PRIM2: variants seen among roughly 807,000 people sequenced by gnomAD.
PRIM2 encodes DNA primase subunit 2.
A neutral mutation model predicts 67.3 loss-of-function variants in PRIM2; 39 were observed. The ratio of observed to expected loss-of-function variants is 0.58; its 90% confidence interval spans 0.45 to 0.76. The LOEUF (loss-of-function observed/expected upper bound fraction) is 0.76. Among genes scored for constraint, PRIM2 ranks in the 30% least tolerant of loss-of-function variants. PRIM2 has a pLI of 0.00. For missense variants in PRIM2, 398 were observed against 598.7 expected, an observed-to-expected ratio of 0.66 and a Z score of 3.50; for synonymous variants, 143 against 198.7, an observed-to-expected ratio of 0.72 and a Z score of 2.36.
At chr6:57,387,455 A>G (rs1770190740) in intron 7 of PRIM2, among the ~76,000 whole-genome samples, 1 of 152,180 alleles carries the variant, frequency 6.6e-6, no homozygotes, top group African/African-American at 2.4e-5. Context: ...TAATTTGTCT[A>G]AGATTATGTT....
At chr6:57,582,070 C>T (rs1237833903) in intron 10 of PRIM2, among the ~76,000 whole-genome samples, 1 of 152,200 alleles carries the variant, frequency 6.6e-6, no homozygotes, top group African/African-American at 2.4e-5. Flanking sequence ...AGCAGTTCTC[C>T]TGCCTCAGCC....
Position 57,532,457 on chromosome 6 carries a change from A to C in PRIM2, c.808A>C (p.Lys270Gln). ...TTACAGTACCCAGGGAAATGTTGGGAAGATTTCTTTAGATCAGATTGATTT... is the reference window on the plus strand; with the variant it reads ...TTACAGTACCCAGGGAAATGTTGGGCAGATTTCTTTAGATCAGATTGATTT... ...QDYSTQGNVG[K>Q]ISLDQIDLLS... Residue 270 changes from lysine (K) to glutamine (Q), a missense_variant, in exon 9 of 14, where the codon AAG becomes CAG. Transcript: ENST00000615550. 6.8e-7 allele frequency: 1 copy of C among 1,465,856 alleles called. No homozygotes were observed. The highest frequency in any genetic ancestry group is 9.3e-7 in the Non-Finnish European group (1 of 1,079,690). The allele number at this position is 1,465,856 out of a possible 1,614,324, so 90.8% of individuals were successfully genotyped here. A position where few individuals can be genotyped will look rare whatever the true frequency, so the allele number is the denominator to read the frequency against.
At chr6:57,387,640 C>G (rs740924) in intron 7 of PRIM2, among the ~76,000 whole-genome samples, 1 of 152,122 alleles carries the variant, frequency 6.6e-6, no homozygotes, top group African/African-American at 2.4e-5. Flanking sequence ...CAGAGCAGGC[C>G]CAAGGGGTGA....
At chr6:57,586,175 G>A (rs1389036524) in intron 10 of PRIM2, among the ~76,000 whole-genome samples, 24 of 152,190 alleles carry the variant, frequency 1.6e-4, no homozygotes, top group South Asian at 4.1e-4. Flanking sequence ...GAGAGGTAGC[G>A]AGATCCATTC....
At chr6:57,521,129 T>C (rs1774610746) in intron 8 of PRIM2, among the ~76,000 whole-genome samples, 1 of 152,118 alleles carries the variant, frequency 6.6e-6, no homozygotes, top group Non-Finnish European at 1.5e-5. Context: ...GCAGGGAAAA[T>C]CACCTGGGCT....
At chr6:57,614,340 A>G (rs2127495114) in intron 12 of PRIM2, among the ~76,000 whole-genome samples, 1 of 152,332 alleles carries the variant, frequency 6.6e-6, no homozygotes, top group East Asian at 1.9e-4. Context: ...CCCTGGTTCC[A>G]AAAAGGTTGG....
At chr6:57,467,673 G>A (rs1427290322) in intron 7 of PRIM2, among the ~76,000 whole-genome samples, 2 of 152,136 alleles carry the variant, frequency 1.3e-5, no homozygotes, top group East Asian at 1.9e-4. Context: ...GAACGTAAAC[G>A]GTAGCTTGAT....
chr6:57,460,955 C>G (rs1439788805), intron 7 of PRIM2, among the ~76,000 whole-genome samples: 1 of 152,136 alleles, frequency 6.6e-6, no homozygotes, highest in Non-Finnish European at 1.5e-5. Flanking sequence ...AAAAGATGTA[C>G]CTTGTCACAG....
At chr6:57,271,423 T>C in the PRIM2 span, among the ~76,000 whole-genome samples, 2 of 152,214 alleles carry the variant, frequency 1.3e-5, no homozygotes, top group Non-Finnish European at 2.9e-5. Flanking sequence ...CGTAGAGGTG[T>C]TTATAGTATT....
At chr6:57,638,259 A>T (rs1777158626) in intron 13 of PRIM2, among the ~76,000 whole-genome samples, 1 of 152,222 alleles carries the variant, frequency 6.6e-6, no homozygotes, top group Non-Finnish European at 1.5e-5. Context: ...GGCACTAAAT[A>T]TGGAAAGGAA....
At chr6:57,353,913 G>C (rs1387361882) in intron 5 of PRIM2, among the ~76,000 whole-genome samples, 1 of 152,084 alleles carries the variant, frequency 6.6e-6, no homozygotes, top group Non-Finnish European at 1.5e-5. Flanking sequence ...GCTTCGGGTG[G>C]GTTAAGAGAA....
intron 5 of PRIM2, among the ~76,000 whole-genome samples, chr6:57,378,532 A>G (rs1769850086): frequency 6.6e-6 from 1 of 152,168 alleles, no homozygotes; most frequent in Admixed American, 6.5e-5. Flanking sequence ...ACCTTGTTAT[A>G]AAATACAACG....
chr6:57,399,095 G>T (rs1268166813), intron 7 of PRIM2, among the ~76,000 whole-genome samples: 2 of 151,660 alleles, frequency 1.3e-5, no homozygotes, highest in South Asian at 2.1e-4. Flanking sequence ...CAACATGCAG[G>T]TTTGTTACAT....
intron 7 of PRIM2, chr6:57,505,080 T>C (rs1209249637): frequency 6.6e-6 from 1 of 152,190 alleles, no homozygotes; most frequent in African/African-American, 2.4e-5. Flanking sequence ...GTTCCTAAAA[T>C]GAAGTTTGAA....
At chr6:57,256,794 C>T in the PRIM2 span, among the ~76,000 whole-genome samples, 1 of 151,996 alleles carries the variant, frequency 6.6e-6, no homozygotes, top group Non-Finnish European at 1.5e-5. Context: ...TTATCAGATG[C>T]TCTGCCTTAT....
intron 7 of PRIM2, among the ~76,000 whole-genome samples, chr6:57,397,896 A>ATT (rs35064816): frequency 0.08 from 9,480 of 118,744 alleles, 1,390 homozygotes; most frequent in African/African-American, 0.27. Flanking sequence ...GATCTTTCTA[A>ATT]TTTTTTTTTT....
At chr6:57,499,110 G>T (rs1342753246) in intron 7 of PRIM2, among the ~76,000 whole-genome samples, 6 of 152,096 alleles carry the variant, frequency 3.9e-5, no homozygotes, top group Non-Finnish European at 7.4e-5. Context: ...ATTTATTCTA[G>T]GTGTACAACA....
intron 10 of PRIM2, among the ~76,000 whole-genome samples, chr6:57,565,020 G>C (rs1258949169): frequency 0.011 from 1,619 of 152,182 alleles, 28 homozygotes; most frequent in African/African-American, 0.037. Flanking sequence ...TTAGAATGTG[G>C]ATTCCTTAAA....
At chr6:57,243,185 T>C in the PRIM2 span, among the ~76,000 whole-genome samples, 113 of 152,354 alleles carry the variant, frequency 7.4e-4, no homozygotes, top group Non-Finnish European at 1.5e-3. Context: ...CAAATGATGA[T>C]GGTCATTCAC....
Sources: gnomAD v4.1 joint callset for allele counts (sites outside exome capture counted in the v4.1 genomes callset) on GRCh38, gnomAD v4.1.1 for gene constraint, MANE v1.5 for transcripts, NCBI Gene and HGNC (gene_info 2026-07-23, HGNC 2026-07-21) for gene names.